Variants in ASPG observed in about 807,000 individuals in gnomAD.
ASPG encodes the protein 60 kDa lysophospholipase.
A neutral mutation model predicts 63.2 loss-of-function variants in ASPG; 53 were observed. That is an observed-to-expected ratio of 0.84 (90% CI 0.67 to 1.05). ASPG has a LOEUF of 1.05. Ranked by LOEUF, ASPG falls within the 50% of genes least tolerant of loss-of-function variation. The pLI is 0.00. For synonymous variants in ASPG, 370 were observed against 355.0 expected, an observed-to-expected ratio of 1.04 and a Z score of -0.48; for missense variants, 741 against 794.4, an observed-to-expected ratio of 0.93 and a Z score of 0.81.
At chr14:104,112,061 T>A in intron 15 of ASPG, 61 bp downstream of exon 15, 1 of 1,475,774 alleles carries the variant, frequency 6.8e-7, no homozygotes. Flanking sequence ...CAGGGCTGGA[T>A]CCTGGCTCGG....
At chr14:104,086,225 CT>C (rs1322018029) in intron 1 of ASPG, among the ~76,000 whole-genome samples, 1 of 152,078 alleles carries the variant, frequency 6.6e-6, no homozygotes, top group Non-Finnish European at 1.5e-5. Context: ...GCTTAGGAGG[CT>C]GCCCTGGAGA....
chr14:104,092,512 C>A, intron 1 of ASPG, 121 bp from the exon 2 acceptor site: 1 of 836,072 alleles, frequency 1.2e-6, no homozygotes, highest in Non-Finnish European at 1.9e-6. Flanking sequence ...TCCTCCCAGC[C>A]TCTGACTGTC....
At position 104,093,509 on chromosome 14, in the gene ASPG, G is replaced by C. The variant is rs767310945; in HGVS notation, c.210G>C (p.Gln70His). Residue 70 changes from glutamine (Q) to histidine (H), a missense_variant, in exon 3 of 16, where the codon CAG becomes CAC. Coordinates refer to ENST00000551177, the MANE Select transcript of ASPG (RefSeq NM_001080464.3). The stretch of plus-strand genomic sequence containing the variant: ...CCCGCAGCCCGGCCAGCCGCAACCA[G>C]AGGATTCTCTACACCGTGCTGGAGT... ...TLVLPPASRN[Q>H]RILYTVLECQ... 5.0e-6 allele frequency: 8 copies of C among 1,612,576 alleles called. No homozygotes were observed. In the African/African-American group the frequency reaches 8.0e-5, roughly 16 times the overall value.
chr14:104,099,894 G>A (rs1013658642), intron 6 of ASPG, among the ~76,000 whole-genome samples: 2 of 152,194 alleles, frequency 1.3e-5, no homozygotes, highest in Non-Finnish European at 2.9e-5. Context: ...CACCTCACCC[G>A]GGGCTGGGTG....
chr14:104,112,683 G>T lies in ASPG; in HGVS notation c.*139G>T. On this transcript the variant is annotated 3_prime_UTR_variant, in exon 16 of 16. Transcript: ENST00000551177. ...CCTGAAGGCCTTTGTTGGGCAGGACGGCAATAAAGTCTCTGACATCCCCTC... is the reference window on the plus strand; with the variant it reads ...CCTGAAGGCCTTTGTTGGGCAGGACTGCAATAAAGTCTCTGACATCCCCTC... The T allele has an allele frequency of 6.5e-7, 1 of 1,527,682 alleles. No individual in the cohort carries two copies. Among genetic ancestry groups the T allele is most frequent in the South Asian group, 1.2e-5 (1 of 83,394 alleles). The allele number at this position is 1,527,682 out of a possible 1,614,324, so 94.6% of individuals were successfully genotyped here. A position where few individuals can be genotyped will look rare whatever the true frequency, so the allele number is the denominator to read the frequency against.
intron 4 of ASPG, 100 bp downstream of exon 4, chr14:104,095,756 C>A: frequency 6.7e-7 from 1 of 1,488,582 alleles, no homozygotes. Flanking sequence ...GGGCTTCCTG[C>A]TCAGCCCAGC....
chr14:104,108,430 C>A (rs978210158), intron 12 of ASPG: 1 of 985,302 alleles, frequency 1.0e-6, no homozygotes, highest in African/African-American at 1.7e-5. Flanking sequence ...CAACCGGTCT[C>A]CCAGCCTCGC....
intron 6 of ASPG, among the ~76,000 whole-genome samples, chr14:104,102,166 C>T (rs2036906096): frequency 6.6e-6 from 1 of 152,020 alleles, no homozygotes; most frequent in Non-Finnish European, 1.5e-5. Flanking sequence ...GCTTGTCCGG[C>T]TGAGACACAC....
Position 104,114,026 on chromosome 14 carries a change from C to A in ASPG, c.*1482C>A, listed in dbSNP as rs929134335. The A allele has an allele frequency of 6.6e-6, 1 of 152,334 alleles. No homozygotes were observed. The highest frequency in any genetic ancestry group is 2.4e-5 in the African/African-American group (1 of 41,456). The allele number at this position is 152,334 out of a possible 1,614,324, so 9.4% of individuals were successfully genotyped here. ...CTACCTCCGGCATCCCTGGGCTGAG[C>A]CCACCTGGTCTCCCCGGTTGCTCCT... On this transcript the variant is annotated 3_prime_UTR_variant, in exon 16 of 16. Coordinates refer to ENST00000551177, the MANE Select transcript of ASPG (RefSeq NM_001080464.3).
chr14:104,085,852 G>A lies in ASPG; in HGVS notation c.82G>A (p.Val28Met), dbSNP rs756621157. The change falls in exon 1 of 16, where the codon GTG (valine) becomes ATG (methionine). Residue 28 changes from valine (V) to methionine (M), a missense_variant and splice_region_variant. Physicochemically the swap from Val to Met is conservative, Grantham distance 21. Coordinates refer to ENST00000551177, the MANE Select transcript of ASPG (RefSeq NM_001080464.3). ...CATTGGCATGCGGAGTGAGCTCGGC[G>A]GTGAGTCCGAGACCCTGGGCGGGGT... is the stretch of plus-strand genomic sequence containing the variant. ...GTIGMRSELG[V>M]LVPGTGLAAI... 13 of 1,583,710 alleles carry A rather than the reference G, an allele frequency of 8.2e-6. No homozygotes were observed. The highest frequency in any genetic ancestry group is 2.4e-5 in the East Asian group (1 of 42,216).
Position 104,111,568 on chromosome 14 carries a change from GC to G in ASPG, c.1589del (p.Pro530ArgfsTer60). The G allele has an allele frequency of 6.4e-7, 1 of 1,551,680 alleles. No individual in the cohort carries two copies. Among genetic ancestry groups the G allele is most frequent in the Middle Eastern group, 1.7e-4 (1 of 5,842 alleles). On this transcript the variant is annotated frameshift_variant, in exon 14 of 16. Transcript: ENST00000551177. LOFTEE classifies it high-confidence loss of function. ...WWQAGADLGQ[P>X]GYDGHSALHV... ...GGCAGGCAGGGGCTGACCTGGGGCA[GC>G]CGGGCTATGACGGGCACAGCGCCCT...
At chr14:104,093,231 C>A in intron 2 of ASPG, 1 of 569,458 alleles carries the variant, frequency 1.8e-6, no homozygotes, top group Non-Finnish European at 3.2e-6. Context: ...TGGTCCCAGC[C>A]CCCCTCTTCG....
At chr14:104,098,746 T>G (rs1441523485) in intron 5 of ASPG, 107 bp from the exon 6 acceptor site, 1 of 1,505,352 alleles carries the variant, frequency 6.6e-7, no homozygotes, top group Non-Finnish European at 9.0e-7. Context: ...CAGTCCCACC[T>G]CCCCCTGGGT....
Position 104,113,063 on chromosome 14 carries a change from A to C in ASPG, c.*519A>C. 2 of 207,834 alleles carry C rather than the reference A, an allele frequency of 9.6e-6. No homozygotes were observed. The highest frequency in any genetic ancestry group is 2.0e-5 in the Non-Finnish European group (2 of 102,026). 12.9% of individuals were successfully genotyped at this position (207,834 alleles called of 1,614,324 possible). The stretch of plus-strand genomic sequence containing the variant: ...TGGATGAGCATGCTGCCCCTGCTTA[A>C]CTCTTTAGTCCTCACAGTCCCGTCC... On this transcript the variant is annotated 3_prime_UTR_variant, in exon 16 of 16. Transcript: ENST00000551177.
intron 5 of ASPG, among the ~76,000 whole-genome samples, chr14:104,097,946 TGTTAGAGATGCGTATGGAGGTTCTGC>T (rs2036682002): frequency 5.3e-5 from 1 of 18,926 alleles, no homozygotes; most frequent in African/African-American, 1.3e-4. Context: ...GGAGGTTCTG[TGTTAGAGATGCGTATGGAGGTTCTGC>T]GTTAGAGATG....
At chr14:104,094,266 C>T (rs1404042747) in intron 3 of ASPG, among the ~76,000 whole-genome samples, 1 of 152,034 alleles carries the variant, frequency 6.6e-6, no homozygotes, top group African/African-American at 2.4e-5. Context: ...GTGATGCTAC[C>T]TCGAGGGCCA....
chr14:104,092,765 C>G (rs979491073), intron 2 of ASPG, 24 bp downstream of exon 2: 31 of 1,524,228 alleles, frequency 2.0e-5, no homozygotes, highest in Non-Finnish European at 1.8e-6. Context: ...CCTCCCAGTC[C>G]CGGACAGGGC....
chr14:104,098,605 G>A (rs1401786267), intron 5 of ASPG, among the ~76,000 whole-genome samples: 1 of 152,126 alleles, frequency 6.6e-6, no homozygotes, highest in Non-Finnish European at 1.5e-5. Context: ...CCACTTGCAC[G>A]CCCCAGGCCC....
rs1013686873 is a variant in ASPG, at chr14:104,104,875, G to C, written c.1050+140G>C. 9.7e-6 allele frequency: 7 copies of C among 721,514 alleles called. No homozygotes were observed. The East Asian group carries it at 1.7e-4, about 17-fold the overall frequency. 44.7% of individuals were successfully genotyped at this position (721,514 alleles called of 1,614,324 possible). A position where few individuals can be genotyped will look rare whatever the true frequency, so the allele number is the denominator to read the frequency against. ...TCCTGTTTGGGAAGGGGAGGGATGT[G>C]GCTCCCTATAGTGGGGAAGGGCAGC... On this transcript the variant is annotated intron_variant, in intron 9 of 15. Coordinates refer to ENST00000551177, the MANE Select transcript of ASPG (RefSeq NM_001080464.3).
Sources: allele counts gnomAD v4.1 joint callset (sites outside exome capture counted in the v4.1 genomes callset), GRCh38; gene constraint gnomAD v4.1.1; transcripts MANE v1.5; gene names NCBI Gene and HGNC (gene_info 2026-07-23, HGNC 2026-07-21).